KLHL42: variants seen among roughly 807,000 people sequenced by gnomAD.
The protein encoded by KLHL42 is kelch like family member 42.
A neutral mutation model predicts 32.7 loss-of-function variants in KLHL42; 27 were observed. That is an observed-to-expected ratio of 0.83 (90% confidence interval 0.61 to 1.14). The LOEUF (loss-of-function observed/expected upper bound fraction) is 1.14, where lower values mean the gene tolerates loss of function less well. Ranked by LOEUF, KLHL42 falls within the 50% of genes most tolerant of loss-of-function variation. The pLI, the probability that KLHL42 is intolerant of heterozygous loss-of-function variation, is 0.00. For synonymous variants in KLHL42, 267 were observed against 248.2 expected, an observed-to-expected ratio of 1.08 and a Z score of -0.71; for missense variants, 491 against 560.8, an observed-to-expected ratio of 0.88 and a Z score of 1.26.
rs2062251991 is a variant in KLHL42, at chr12:27,802,448, A to G, written c.*4282A>G. The stretch of plus-strand genomic sequence containing the variant: ...TGGTTGATTTTGCCTTGTGATAATT[A>G]TCAAAGGATAGTTTTTCATCCTTAG... On this transcript the variant is annotated 3_prime_UTR_variant, in exon 3 of 3. Transcript: ENST00000381271. 6.6e-6 allele frequency: 1 copy of G among 152,588 alleles called. No homozygotes were observed. Among genetic ancestry groups the G allele is most frequent in the South Asian group, 2.1e-4 (1 of 4,834 alleles). The allele number at this position is 152,588 out of a possible 1,614,324, so 9.5% of individuals were successfully genotyped here. A position where few individuals can be genotyped will look rare whatever the true frequency, so the allele number is the denominator to read the frequency against.
rs368597422 is a variant in KLHL42, at chr12:27,802,428, G to A, written c.*4262G>A. 7.9e-5 allele frequency: 12 copies of A among 152,544 alleles called. No individual in the cohort carries two copies. The East Asian group carries it at 1.5e-3, about 20-fold the overall frequency. The allele number at this position is 152,544 out of a possible 1,614,324, so 9.4% of individuals were successfully genotyped here. Reference sequence around the variant, plus strand: ...CACTAGTACTGATGAAAAGGTGGTTGATTTTGCCTTGTGATAATTATCAAA... The same window carrying A: ...CACTAGTACTGATGAAAAGGTGGTTAATTTTGCCTTGTGATAATTATCAAA... On this transcript the variant is annotated 3_prime_UTR_variant, in exon 3 of 3. Coordinates refer to ENST00000381271, the MANE Select transcript of KLHL42 (RefSeq NM_020782.2).
Position 27,800,430 on chromosome 12 carries a change from C to G in KLHL42, c.*2264C>G, listed in dbSNP as rs1043940750. On this transcript the variant is annotated 3_prime_UTR_variant, in exon 3 of 3. Coordinates refer to ENST00000381271, the MANE Select transcript of KLHL42 (RefSeq NM_020782.2). ...GACATCTAAAAAGATTTTGGTTATT[C>G]TGGGCTGCCAGCAGTACGTGGGAAA... The G allele has an allele frequency of 3.1e-6, 3 of 957,438 alleles. No homozygotes were observed. The African/African-American group carries it at 5.3e-5, about 17-fold the overall frequency. The allele number at this position is 957,438 out of a possible 1,614,324, so 59.3% of individuals were successfully genotyped here.
intron 2 of KLHL42, 80 bp downstream of exon 2, chr12:27,791,981 A>T (rs1226791393): frequency 1.7e-6 from 2 of 1,169,820 alleles, no homozygotes; most frequent in African/African-American, 3.0e-5. Context: ...TGTCAGAGGA[A>T]GCCCCGACAT....
Position 27,791,751 on chromosome 12 carries a change from A to T in KLHL42, c.916A>T (p.Ile306Phe). ...LVAVNSKLYAIGGQAVSNVEC... is the reference protein window; with the variant it reads ...LVAVNSKLYAFGGQAVSNVEC... Reference sequence around the variant, plus strand: ...GGCTGTTAATTCAAAACTCTATGCCATCGGAGGGCAGGCCGTTTCTAACGT... The same window carrying T: ...GGCTGTTAATTCAAAACTCTATGCCTTCGGAGGGCAGGCCGTTTCTAACGT... The change falls in exon 2 of 3, where the codon ATC becomes TTC. Residue 306 changes from isoleucine to phenylalanine, a missense_variant. By Grantham distance (21) the Ile-to-Phe change is conservative. Around this residue, in one of 4 missense-constraint regions of KLHL42, gnomAD observed 248 missense variants for 329.2 expected, o/e 0.75. Transcript: ENST00000381271. 1 of 1,614,214 alleles carries T rather than the reference A, an allele frequency of 6.2e-7. No individual in the cohort carries two copies. The highest frequency in any genetic ancestry group is 8.5e-7 in the Non-Finnish European group (1 of 1,180,024).
At chr12:27,789,326 A>C (rs578176600) in intron 1 of KLHL42, among the ~76,000 whole-genome samples, 1 of 152,350 alleles carries the variant, frequency 6.6e-6, no homozygotes, top group East Asian at 1.9e-4. Flanking sequence ...GTGATGTCTG[A>C]GACTTCCCTG....
In KLHL42 at chr12:27,799,259, A is replaced by G. The variant is rs956601221; in HGVS notation, c.*1093A>G. On this transcript the variant is annotated 3_prime_UTR_variant, in exon 3 of 3. Transcript: ENST00000381271. ...TCTGGTGGTATTTCTGAAGTTAGGT[A>G]AAGTGCTTTACTTGCCTTGGTTGTT... 2 of 152,214 alleles carry G rather than the reference A, an allele frequency of 1.3e-5. No homozygotes were observed. Among genetic ancestry groups the G allele is most frequent in the Admixed American group, 6.5e-5 (1 of 15,282 alleles). 9.4% of individuals were successfully genotyped at this position (152,214 alleles called of 1,614,324 possible).
intron 1 of KLHL42, among the ~76,000 whole-genome samples, chr12:27,790,735 C>G (rs114151102): frequency 0.01 from 1,553 of 152,164 alleles, 22 homozygotes; most frequent in African/African-American, 0.034. Context: ...TGTAAAGACC[C>G]TAAGAATGCT....
Position 27,801,155 on chromosome 12 carries a change from CAG to C in KLHL42, c.*2991_*2992del, listed in dbSNP as rs1316429956. On this transcript the variant is annotated 3_prime_UTR_variant, in exon 3 of 3. Coordinates refer to ENST00000381271, the MANE Select transcript of KLHL42 (RefSeq NM_020782.2). ...GTTATGGGTACCAGGAAGAAACAAACAGAAGTCTTAAGATTAGAATGAGAACC... is the reference window on the plus strand; with the variant it reads ...GTTATGGGTACCAGGAAGAAACAAACAAGTCTTAAGATTAGAATGAGAACC... 1.3e-5 allele frequency: 2 copies of C among 152,324 alleles called. No individual in the cohort carries two copies. Among genetic ancestry groups the C allele is most frequent in the African/African-American group, 4.8e-5 (2 of 41,370 alleles). 9.4% of individuals were successfully genotyped at this position (152,324 alleles called of 1,614,324 possible).
Position 27,780,546 on chromosome 12 carries a change from CG to C in KLHL42, c.220del (p.Ala74ProfsTer26). 6.6e-7 allele frequency: 1 copy of C among 1,525,432 alleles called. No homozygotes were observed. Among genetic ancestry groups the C allele is most frequent in the Non-Finnish European group, 8.8e-7 (1 of 1,140,716 alleles). 94.5% of individuals were successfully genotyped at this position (1,525,432 alleles called of 1,614,324 possible). ...RLVLDFINAG[G>X]AREGWLLGPR... ...TGGTGCTGGACTTCATCAACGCCGG[CG>C]GGGCCCGCGAAGGCTGGCTCCTGGG... On this transcript the variant is annotated frameshift_variant, in exon 1 of 3. Coordinates refer to ENST00000381271, the MANE Select transcript of KLHL42 (RefSeq NM_020782.2). LOFTEE classifies it high-confidence loss of function. This position sits in a 1 kb window ranked among gnomAD's most constrained non-coding sequence, Gnocchi z 8.8.
chr12:27,791,604 G>A (rs577386521), intron 1 of KLHL42, 104 bp from the exon 2 acceptor site: 47 of 1,034,568 alleles, frequency 4.5e-5, no homozygotes, highest in Admixed American at 1.6e-4. Context: ...CTGGGAGAGC[G>A]AATTTTCTTC....
chr12:27,800,120 A>G lies in KLHL42; in HGVS notation c.*1954A>G, dbSNP rs2062237830. On this transcript the variant is annotated 3_prime_UTR_variant, in exon 3 of 3. Transcript: ENST00000381271. The stretch of plus-strand genomic sequence containing the variant: ...TTTAAAGGCTTTGTCCTATACATTT[A>G]GAAGATGAGTCAGTTGAATTAGTAC... 6.1e-6 allele frequency: 6 copies of G among 984,924 alleles called. No individual in the cohort carries two copies. Among genetic ancestry groups the G allele is most frequent in the Non-Finnish European group, 7.2e-6 (6 of 829,446 alleles). 61.0% of individuals were successfully genotyped at this position (984,924 alleles called of 1,614,324 possible). A position where few individuals can be genotyped will look rare whatever the true frequency, so the allele number is the denominator to read the frequency against.
chr12:27,787,461 C>T (rs1255771099), intron 1 of KLHL42, among the ~76,000 whole-genome samples: 3 of 147,638 alleles, frequency 2.0e-5, no homozygotes, highest in African/African-American at 7.6e-5. Flanking sequence ...GACCACTGCA[C>T]TCCAGCCTGG....
intron 2 of KLHL42, among the ~76,000 whole-genome samples, chr12:27,793,100 C>T (rs534389343): frequency 6.6e-6 from 1 of 152,252 alleles, no homozygotes; most frequent in South Asian, 2.1e-4. Context: ...TCTCAGGTTA[C>T]AGTGATAGAG....
intron 2 of KLHL42, among the ~76,000 whole-genome samples, chr12:27,793,442 CT>C (rs1329484778): frequency 2.0e-5 from 3 of 151,716 alleles, no homozygotes; most frequent in Non-Finnish European, 4.4e-5. Flanking sequence ...ACTTGGGAGG[CT>C]GAGACAGGAG....
chr12:27,785,073 G>A (rs2062166483), intron 1 of KLHL42, among the ~76,000 whole-genome samples: 1 of 152,168 alleles, frequency 6.6e-6, no homozygotes, highest in Non-Finnish European at 1.5e-5. Flanking sequence ...TTGCATAGAG[G>A]GGTGGGTGGG....
Position 27,780,633 on chromosome 12 carries a change from G to C in KLHL42, c.303G>C (p.Leu101=). The C allele has an allele frequency of 6.4e-7, 1 of 1,569,972 alleles. No homozygotes were observed. Among genetic ancestry groups the C allele is most frequent in the Non-Finnish European group, 8.6e-7 (1 of 1,156,338 alleles). The change falls in exon 1 of 3, where the codon CTG becomes CTC. Residue 101 remains leucine, a synonymous_variant. Transcript: ENST00000381271. The surrounding 1 kb of genome is among the most constrained non-coding windows in gnomAD (Gnocchi z 8.8). ...ACGAGGAGATGGATGAGGTGAGCCT[G>C]CTGTCCGAGCTGGTGGAGGCGGCCT... The part of the protein sequence containing the change: ...DEDEEMDEVS[L]LSELVEAASF...
In KLHL42 at chr12:27,780,272, G is replaced by A; in HGVS notation, c.-59G>A. The A allele has an allele frequency of 2.0e-6, 3 of 1,474,220 alleles. No individual in the cohort carries two copies. The highest frequency in any genetic ancestry group is 2.7e-6 in the Non-Finnish European group (3 of 1,112,490). 91.3% of individuals were successfully genotyped at this position (1,474,220 alleles called of 1,614,324 possible). A position where few individuals can be genotyped will look rare whatever the true frequency, so the allele number is the denominator to read the frequency against. On this transcript the variant is annotated 5_prime_UTR_variant, in exon 1 of 3. Coordinates refer to ENST00000381271, the MANE Select transcript of KLHL42 (RefSeq NM_020782.2). This position sits in a 1 kb window ranked among gnomAD's most constrained non-coding sequence, Gnocchi z 8.8. ...CGCCCGGAACCGGCGCGCGCGTAGG[G>A]GCTGGGAGGCCGGCGCGCAGATCTG...
In KLHL42 at chr12:27,791,797, A is replaced by G. The variant is rs761905634; in HGVS notation, c.962A>G (p.Gln321Arg). ...VSNVECYNPEQDAWNFVAPLP... is the reference protein window; with the variant it reads ...VSNVECYNPERDAWNFVAPLP... ...AACGTTGAGTGTTACAACCCCGAGC[A>G]GGATGCGTGGAATTTTGTGGCGCCC... is the stretch of plus-strand genomic sequence containing the variant. Residue 321 changes from glutamine to arginine, a missense_variant, in exon 2 of 3, where the codon CAG (glutamine) becomes CGG (arginine). By Grantham distance (43) the Gln-to-Arg change is conservative. Transcript: ENST00000381271. 30 of 1,614,222 alleles carry G rather than the reference A, an allele frequency of 1.9e-5. No homozygotes were observed. Among genetic ancestry groups the G allele is most frequent in the Non-Finnish European group, 2.5e-5 (30 of 1,180,030 alleles).
intron 2 of KLHL42, among the ~76,000 whole-genome samples, chr12:27,792,479 C>T (rs532119674): frequency 6.6e-6 from 1 of 152,272 alleles, no homozygotes; most frequent in African/African-American, 2.4e-5. Flanking sequence ...GAGCTCTTTC[C>T]TGACCAGCAG....
Sources: allele counts gnomAD v4.1 joint callset (sites outside exome capture counted in the v4.1 genomes callset), GRCh38; gene constraint gnomAD v4.1.1; regional missense constraint gnomAD v4.1.1; non-coding constraint Gnocchi (gnomAD v3.1); transcripts MANE v1.5; gene names NCBI Gene and HGNC (gene_info 2026-07-23, HGNC 2026-07-21).